FIGLA: variants seen among roughly 807,000 people sequenced by gnomAD.
FIGLA encodes factor in the germline alpha.
In FIGLA, 17 loss-of-function variants were observed where a neutral mutation model predicts 21.5. The ratio of observed to expected loss-of-function variants is 0.79; its 90% CI spans 0.54 to 1.19. The LOEUF is 1.19. Among genes scored for constraint, FIGLA ranks in the 50% most tolerant of loss-of-function variants. FIGLA has a pLI of 0.00. For synonymous variants in FIGLA, 129 were observed against 117.6 expected (o/e 1.10, Z -0.63); for missense variants, 282 against 285.0 (o/e 0.99, Z 0.08).
At chr2:70,786,943 T>C (rs952026830) in intron 2 of FIGLA, among the ~76,000 whole-genome samples, 8 of 152,154 alleles carry the variant, frequency 5.3e-5, no homozygotes, top group African/African-American at 1.9e-4. Flanking sequence ...TTTTCTCTCT[T>C]CCTATTTTGT....
intron 3 of FIGLA, among the ~76,000 whole-genome samples, chr2:70,779,190 A>G (rs1199373509): frequency 6.6e-6 from 1 of 152,146 alleles, no homozygotes; most frequent in African/African-American, 2.4e-5. Flanking sequence ...CAGGTGAAAT[A>G]TGCTACTCTG....
chr2:70,786,227 C>T (rs1675952495), intron 2 of FIGLA, among the ~76,000 whole-genome samples: 1 of 93,322 alleles, frequency 1.1e-5, no homozygotes, highest in Admixed American at 1.2e-4. Context: ...AACTTTTCTG[C>T]CTTTTTTTTT....
intron 3 of FIGLA, among the ~76,000 whole-genome samples, chr2:70,780,794 T>C (rs541156770): frequency 1.6e-4 from 24 of 152,210 alleles, no homozygotes; most frequent in African/African-American, 5.3e-4. Context: ...GAAGCCACAG[T>C]GACCCAAGTG....
intron 3 of FIGLA, 47 bp from the exon 4 acceptor site, chr2:70,777,718 T>G: frequency 9.8e-7 from 1 of 1,019,188 alleles, no homozygotes; most frequent in Non-Finnish European, 1.5e-6. Flanking sequence ...ACATCGGTTA[T>G]TTGTCACGTT....
At chr2:70,782,773 T>C (rs564784447) in intron 3 of FIGLA, among the ~76,000 whole-genome samples, 6 of 152,296 alleles carry the variant, frequency 3.9e-5, no homozygotes, top group Admixed American at 2.0e-4. Flanking sequence ...ATTTTTTTAA[T>C]TTTAAAAATT....
Position 70,777,524 on chromosome 2 carries a change from ATTCC to A in FIGLA, c.644+109_644+112del, listed in dbSNP as rs144711401. The A allele has an allele frequency of 0.021, 31,403 of 1,471,222 alleles. 382 individuals are homozygous for A. The highest frequency in any genetic ancestry group is 0.027 in the Middle Eastern group (157 of 5,796). The allele number at this position is 1,471,222 out of a possible 1,614,324, so 91.1% of individuals were successfully genotyped here. A position where few individuals can be genotyped will look rare whatever the true frequency, so the allele number is the denominator to read the frequency against. ...AGATACTACTTTTTTACCCATTAAG[ATTCC>A]TTCTTTTAATAGAGCTCATTGCTAA... On this transcript the variant is annotated intron_variant, in intron 4 of 4. Transcript: ENST00000332372.
At chr2:70,787,042 C>T (rs1468744608) in intron 2 of FIGLA, among the ~76,000 whole-genome samples, 2 of 152,214 alleles carry the variant, frequency 1.3e-5, no homozygotes, top group Admixed American at 1.3e-4. Context: ...TTTACTTTGC[C>T]TAATGGACAC....
chr2:70,784,252 A>G (rs1553389545), intron 3 of FIGLA, among the ~76,000 whole-genome samples: 1 of 152,134 alleles, frequency 6.6e-6, no homozygotes. Flanking sequence ...TAGGACCTCA[A>G]ATCAGAGCAC....
At chr2:70,784,375 T>C (rs1409002988) in intron 3 of FIGLA, among the ~76,000 whole-genome samples, 3 of 152,200 alleles carry the variant, frequency 2.0e-5, no homozygotes, top group Non-Finnish European at 2.9e-5. Context: ...TCAAGAGAAG[T>C]TGGTATCTAT....
At chr2:70,785,730 G>T in intron 2 of FIGLA, 91 bp from the exon 3 acceptor site, 2 of 959,546 alleles carry the variant, frequency 2.1e-6, no homozygotes, top group Non-Finnish European at 3.3e-6. Context: ...TAACTGATGA[G>T]GTTTCATTTA....
chr2:70,789,922 G>A (rs1553390583), intron 1 of FIGLA, among the ~76,000 whole-genome samples: 1 of 152,114 alleles, frequency 6.6e-6, no homozygotes, highest in East Asian at 1.9e-4. Context: ...CTTTAAAAAA[G>A]AAAAGTCACT....
chr2:70,779,242 ACC>A (rs1347808090), intron 3 of FIGLA, among the ~76,000 whole-genome samples: 1 of 152,170 alleles, frequency 6.6e-6, no homozygotes, highest in Non-Finnish European at 1.5e-5. Flanking sequence ...ACCAGAAGGC[ACC>A]CACCCCATTA....
intron 3 of FIGLA, among the ~76,000 whole-genome samples, chr2:70,783,881 C>T (rs781997095): frequency 3.3e-5 from 5 of 152,002 alleles, no homozygotes; most frequent in South Asian, 2.1e-4. Flanking sequence ...GTAGCAATGG[C>T]GTTTCACCAT....
At chr2:70,779,741 C>T (rs530128942) in intron 3 of FIGLA, among the ~76,000 whole-genome samples, 3 of 152,274 alleles carry the variant, frequency 2.0e-5, no homozygotes, top group East Asian at 3.9e-4. Context: ...CAAAGGCCCT[C>T]AAGCCCCAGC....
intron 2 of FIGLA, 30 bp downstream of exon 2, chr2:70,787,619 T>C: frequency 6.5e-7 from 1 of 1,546,960 alleles, no homozygotes; most frequent in Non-Finnish European, 8.7e-7. Flanking sequence ...AAATGGTGGC[T>C]ATCATTATTC....
intron 3 of FIGLA, among the ~76,000 whole-genome samples, chr2:70,777,912 T>C (rs1675789874): frequency 6.6e-6 from 1 of 152,222 alleles, no homozygotes. Context: ...TGTATTTCCA[T>C]CAGTGGTTTT....
intron 4 of FIGLA, 77 bp from the exon 5 acceptor site, chr2:70,777,459 A>G (rs782551447): frequency 2.7e-5 from 37 of 1,353,848 alleles, no homozygotes; most frequent in Non-Finnish European, 3.6e-5. Context: ...AAATATGCAA[A>G]AAATTAATTT....
chr2:70,778,011 C>T (rs1553388581), intron 3 of FIGLA, among the ~76,000 whole-genome samples: 1 of 152,134 alleles, frequency 6.6e-6, no homozygotes, highest in African/African-American at 2.4e-5. Flanking sequence ...AAAAATAAAG[C>T]CGCTCAAGTC....
intron 1 of FIGLA, 32 bp downstream of exon 1, chr2:70,790,376 G>A (rs782763820): frequency 1.3e-6 from 2 of 1,493,536 alleles, no homozygotes; most frequent in South Asian, 2.5e-5. Context: ...CAGGGAAGGG[G>A]GGAACGGACG....
Sources: gnomAD v4.1 joint callset for allele counts (sites outside exome capture counted in the v4.1 genomes callset) on GRCh38, gnomAD v4.1.1 for gene constraint, MANE v1.5 for transcripts, NCBI Gene and HGNC (gene_info 2026-07-23, HGNC 2026-07-21) for gene names.